PCDH7: variants seen among roughly 807,000 people sequenced by gnomAD.
PCDH7 encodes protocadherin-7.
In PCDH7, 17 loss-of-function variants were observed where a neutral mutation model predicts 58.9. The observed-to-expected ratio is 0.29, with a 90% CI of 0.20 to 0.43. PCDH7 has a LOEUF of 0.43. Ranked by LOEUF, PCDH7 falls within the 20% of genes least tolerant of loss-of-function variation. PCDH7 has a pLI of 1.00. For synonymous variants in PCDH7, 664 were observed against 616.4 expected, an observed-to-expected ratio of 1.08 and a Z score of -1.14; for missense variants, 1,274 against 1,441.0, an observed-to-expected ratio of 0.88 and a Z score of 1.88.
chr4:30,996,431 G>C (rs1751905744), intron 3 of PCDH7, among the ~76,000 whole-genome samples: 1 of 152,182 alleles, frequency 6.6e-6, no homozygotes, highest in African/African-American at 2.4e-5. Flanking sequence ...AGCATGGATA[G>C]AATCAGTAGG....
intron 3 of PCDH7, among the ~76,000 whole-genome samples, chr4:31,071,415 ATGT>A (rs1428334573): frequency 1.6e-4 from 24 of 152,042 alleles, no homozygotes; most frequent in African/African-American, 5.8e-4. Context: ...TTTGGTTGAA[ATGT>A]TGTGTGCTTT....
intron 3 of PCDH7, among the ~76,000 whole-genome samples, chr4:30,959,973 A>C (rs1578417338): frequency 1.3e-5 from 2 of 152,108 alleles, no homozygotes; most frequent in East Asian, 3.9e-4. Flanking sequence ...TGATAGTCTA[A>C]CCACTCTGTA....
At chr4:31,099,090 C>G (rs1248311633) in intron 3 of PCDH7, among the ~76,000 whole-genome samples, 3 of 152,162 alleles carry the variant, frequency 2.0e-5, no homozygotes, top group Non-Finnish European at 4.4e-5. Context: ...AAGGCTTCAA[C>G]ATAGGAATTT....
At chr4:30,821,165 T>C (rs2109321529) in intron 1 of PCDH7, among the ~76,000 whole-genome samples, 2 of 152,286 alleles carry the variant, frequency 1.3e-5, no homozygotes, top group South Asian at 2.1e-4. Flanking sequence ...TCTGCCTCCT[T>C]GTAACTGGTA....
At chr4:30,966,009 A>G in intron 3 of PCDH7, among the ~76,000 whole-genome samples, 1 of 152,110 alleles carries the variant, frequency 6.6e-6, no homozygotes, top group East Asian at 1.9e-4. Context: ...AGTGCACATA[A>G]GATGATTTAG....
At chr4:30,902,226 A>G (rs1740309678) in intron 1 of PCDH7, among the ~76,000 whole-genome samples, 1 of 152,160 alleles carries the variant, frequency 6.6e-6, no homozygotes, top group South Asian at 2.1e-4. Flanking sequence ...TATCCACTGG[A>G]AAGGATGATC....
chr4:31,028,343 C>A (rs1272002905), intron 3 of PCDH7, among the ~76,000 whole-genome samples: 1 of 152,060 alleles, frequency 6.6e-6, no homozygotes, highest in Non-Finnish European at 1.5e-5. Context: ...ATGTGAAAAT[C>A]TTCCTTAAAA....
intron 1 of PCDH7, among the ~76,000 whole-genome samples, chr4:30,745,849 A>T (rs149259980): frequency 2.1e-3 from 315 of 151,680 alleles, no homozygotes; most frequent in African/African-American, 7.1e-3. Context: ...ATTACTGTTA[A>T]TTTTTTTTGA....
chr4:30,721,737 G>T lies in PCDH7; in HGVS notation c.315G>T (p.Glu105Asp), dbSNP rs755951972. ...CCCAGTGTCAGATGATCTTCGACGA[G>T]AACGAGTGCTTCCTGGACTTCGAGG... is the stretch of plus-strand genomic sequence containing the variant. Residue 105 changes from glutamate (E) to aspartate (D), a missense_variant, in exon 1 of 2, where the codon GAG (glutamate) becomes GAT (aspartate). By Grantham distance (45) the Glu-to-Asp change is conservative. Transcript: ENST00000361762. The surrounding 1 kb of genome is among the most constrained non-coding windows in gnomAD (Gnocchi z 6.7). The T allele has an allele frequency of 6.2e-7, 1 of 1,614,056 alleles. No individual in the cohort carries two copies. Among genetic ancestry groups the T allele is most frequent in the South Asian group, 1.1e-5 (1 of 91,088 alleles).
At chr4:30,935,722 A>C (rs529916881) in intron 2 of PCDH7, among the ~76,000 whole-genome samples, 1 of 152,274 alleles carries the variant, frequency 6.6e-6, no homozygotes, top group East Asian at 1.9e-4. Flanking sequence ...AACCTTGTAA[A>C]GATTATCACC....
intron 1 of PCDH7, among the ~76,000 whole-genome samples, chr4:30,864,552 A>T (rs1324996844): frequency 6.6e-6 from 1 of 151,976 alleles, no homozygotes; most frequent in Non-Finnish European, 1.5e-5. Flanking sequence ...AAATGGTAGG[A>T]TATAGATGAT....
intron 1 of PCDH7, among the ~76,000 whole-genome samples, chr4:30,726,650 T>C (rs1011598421): frequency 6.6e-6 from 1 of 151,948 alleles, no homozygotes; most frequent in Non-Finnish European, 1.5e-5. Context: ...CTCAAAGCAA[T>C]TGGAATGAAT....
intron 1 of PCDH7, among the ~76,000 whole-genome samples, chr4:30,822,415 A>T (rs1728488146): frequency 6.6e-6 from 1 of 152,160 alleles, no homozygotes; most frequent in Non-Finnish European, 1.5e-5. Flanking sequence ...AAACAGCGAC[A>T]GCCTGGCACA....
intron 1 of PCDH7, among the ~76,000 whole-genome samples, chr4:30,902,003 TG>T (rs1156242826): frequency 6.6e-6 from 1 of 152,152 alleles, no homozygotes; most frequent in African/African-American, 2.4e-5. Context: ...TATGTAACTG[TG>T]GGCAAGTTTC....
chr4:31,092,195 T>C (rs1713344863), intron 3 of PCDH7, among the ~76,000 whole-genome samples: 2 of 152,032 alleles, frequency 1.3e-5, no homozygotes. Context: ...CGTATTTCTA[T>C]CTCTAAGAAA....
chr4:30,728,524 G>A (rs1714977168), intron 1 of PCDH7, among the ~76,000 whole-genome samples: 1 of 151,678 alleles, frequency 6.6e-6, no homozygotes, highest in Non-Finnish European at 1.5e-5. Context: ...ACTAATAGCT[G>A]ATGGAAGTTA....
chr4:30,751,617 G>GTA lies in PCDH7; in HGVS notation c.70+27033_70+27034dup, dbSNP rs200418982. On this transcript the variant is annotated intron_variant, in intron 1 of 3. Coordinates refer to the PCDH7 transcript ENST00000509759. The stretch of plus-strand genomic sequence containing the variant: ...TAAATTTGACAGTATTAAAATATGA[G>GTA]TATATATATATATTTTGCATGGTCT... 4.9e-4 allele frequency among the ~76,000 whole-genome samples: 74 copies of GTA among 151,596 alleles called. No homozygotes were observed. In the South Asian group the frequency reaches 6.2e-3, roughly 13 times the overall value.
chr4:31,096,373 G>A (rs1220657213), intron 3 of PCDH7, among the ~76,000 whole-genome samples: 1 of 152,072 alleles, frequency 6.6e-6, no homozygotes, highest in Non-Finnish European at 1.5e-5. Flanking sequence ...CACTGGATCT[G>A]GAGGGGAAAA....
chr4:31,014,636 G>A (rs1216740215), intron 3 of PCDH7, among the ~76,000 whole-genome samples: 2 of 152,138 alleles, frequency 1.3e-5, no homozygotes, highest in African/African-American at 4.8e-5. Context: ...AATATTAAAT[G>A]AGAATACATT....
Sources: allele counts gnomAD v4.1 joint callset (sites outside exome capture counted in the v4.1 genomes callset), GRCh38; gene constraint gnomAD v4.1.1; non-coding constraint Gnocchi (gnomAD v3.1); transcripts MANE v1.5; gene names NCBI Gene and HGNC (gene_info 2026-07-23, HGNC 2026-07-21).